The following CDH18 variants were observed in gnomAD, a reference collection of about 807,000 sequenced individuals.
CDH18 encodes the protein cadherin-18.
A neutral mutation model predicts 67.9 loss-of-function variants in CDH18; 31 were observed. The observed-to-expected ratio is 0.46, with a 90% confidence interval of 0.34 to 0.62. The LOEUF (loss-of-function observed/expected upper bound fraction) is 0.62, where lower values mean the gene tolerates loss of function less well. Ranked by LOEUF, CDH18 falls within the 20% of genes least tolerant of loss-of-function variation. The pLI, the probability that CDH18 is intolerant of heterozygous loss-of-function variation, is 0.01. For missense variants in CDH18, 890 were observed against 975.5 expected (o/e 0.91, Z 1.17); for synonymous variants, 362 against 347.2 (o/e 1.04, Z -0.48).
At chr5:20,394,826 G>GA (rs1745154803) in intron 1 of CDH18, among the ~76,000 whole-genome samples, 1 of 151,738 alleles carries the variant, frequency 6.6e-6, no homozygotes, top group African/African-American at 2.4e-5. Flanking sequence ...ACAAACATAT[G>GA]AAAAAATGCT....
chr5:19,547,954 T>C (rs867644903), intron 8 of CDH18, among the ~76,000 whole-genome samples: 3 of 152,160 alleles, frequency 2.0e-5, no homozygotes, highest in Non-Finnish European at 4.4e-5. Flanking sequence ...AGAGAAACTA[T>C]TCAAGACTAT....
intron 3 of CDH18, among the ~76,000 whole-genome samples, chr5:19,767,245 T>C (rs915811436): frequency 3.3e-5 from 5 of 151,812 alleles, no homozygotes; most frequent in African/African-American, 1.2e-4. Flanking sequence ...AAAGCAAAAA[T>C]AATAACATTA....
At chr5:19,808,370 A>G (rs903851478) in intron 3 of CDH18, among the ~76,000 whole-genome samples, 3 of 152,074 alleles carry the variant, frequency 2.0e-5, no homozygotes, top group African/African-American at 7.2e-5. Context: ...ACTAGGCTCA[A>G]CTTTTAAATT....
At chr5:19,877,160 A>AAGT (rs1213730599) in intron 2 of CDH18, among the ~76,000 whole-genome samples, 1 of 152,144 alleles carries the variant, frequency 6.6e-6, no homozygotes, top group African/African-American at 2.4e-5. Context: ...CTGTACCATG[A>AAGT]AGCAAGCGTG....
intron 1 of CDH18, among the ~76,000 whole-genome samples, chr5:20,261,191 T>C (rs1375446505): frequency 6.6e-6 from 1 of 152,208 alleles, no homozygotes; most frequent in African/African-American, 2.4e-5. Context: ...TCATTCCATA[T>C]TATCATTTTG....
At chr5:20,452,686 A>C (rs1581026468) in intron 1 of CDH18, among the ~76,000 whole-genome samples, 1 of 152,114 alleles carries the variant, frequency 6.6e-6, no homozygotes, top group African/African-American at 2.4e-5. Context: ...GTGATGAAAT[A>C]ATCTGCAAAA....
At chr5:20,004,902 A>C (rs1296040381) in intron 2 of CDH18, among the ~76,000 whole-genome samples, 1 of 152,168 alleles carries the variant, frequency 6.6e-6, no homozygotes, top group East Asian at 1.9e-4. Flanking sequence ...AAGACCCAAT[A>C]AAATGAGTTG....
chr5:20,514,474 T>G (rs1755236504), intron 1 of CDH18, among the ~76,000 whole-genome samples: 1 of 152,136 alleles, frequency 6.6e-6, no homozygotes, highest in African/African-American at 2.4e-5. Flanking sequence ...TTCCCTTGTG[T>G]TCAGTATGTG....
intron 5 of CDH18, among the ~76,000 whole-genome samples, chr5:19,680,143 C>A (rs1294131811): frequency 6.6e-6 from 1 of 151,862 alleles, no homozygotes; most frequent in Admixed American, 6.6e-5. Context: ...GCCATCTGAT[C>A]TTTGACAAAT....
chr5:19,721,496 T>C (rs1192340357), intron 4 of CDH18, 30 bp from the exon 5 acceptor site: 2 of 1,593,182 alleles, frequency 1.3e-6, no homozygotes, highest in South Asian at 1.1e-5. Flanking sequence ...AATTTTAGTG[T>C]GTGATGGCAT....
chr5:20,186,103 T>C (rs1738080775), intron 2 of CDH18, among the ~76,000 whole-genome samples: 1 of 151,926 alleles, frequency 6.6e-6, no homozygotes, highest in Non-Finnish European at 1.5e-5. Flanking sequence ...TGCAAGCAAA[T>C]AAAAATTGAA....
intron 1 of CDH18, among the ~76,000 whole-genome samples, chr5:20,381,453 A>C (rs911878428): frequency 1.3e-5 from 2 of 152,036 alleles, no homozygotes; most frequent in East Asian, 1.9e-4. Flanking sequence ...ACCAATTTAA[A>C]TTGTACCCCC....
chr5:20,241,579 G>C (rs1742899980), intron 2 of CDH18, among the ~76,000 whole-genome samples: 1 of 151,972 alleles, frequency 6.6e-6, no homozygotes, highest in Non-Finnish European at 1.5e-5. Context: ...CGGCCGGGTG[G>C]GGTGGCTCAT....
At chr5:19,821,237 C>T (rs1779841940) in intron 3 of CDH18, among the ~76,000 whole-genome samples, 1 of 151,948 alleles carries the variant, frequency 6.6e-6, no homozygotes, top group South Asian at 2.1e-4. Flanking sequence ...AATGACGTAG[C>T]CATTTTTAGA....
chr5:20,276,000 C>T (rs571323375), intron 1 of CDH18, among the ~76,000 whole-genome samples: 6 of 152,274 alleles, frequency 3.9e-5, no homozygotes, highest in Non-Finnish European at 5.9e-5. Flanking sequence ...CAGCCCTAGC[C>T]AGAGGGAAAT....
chr5:19,951,036 A>G (rs1243331543), intron 2 of CDH18, among the ~76,000 whole-genome samples: 1 of 152,170 alleles, frequency 6.6e-6, no homozygotes, highest in Non-Finnish European at 1.5e-5. Flanking sequence ...TCATGTTCTC[A>G]TGGACCAAAT....
intron 1 of CDH18, among the ~76,000 whole-genome samples, chr5:20,573,554 A>C (rs1379529611): frequency 6.6e-6 from 1 of 151,710 alleles, no homozygotes; most frequent in Admixed American, 6.6e-5. Context: ...GATTATTTGC[A>C]TAAATAAAAT....
chr5:19,641,247 T>G (rs1753958666), intron 5 of CDH18, among the ~76,000 whole-genome samples: 3 of 151,848 alleles, frequency 2.0e-5, no homozygotes, highest in African/African-American at 4.8e-5. Context: ...CATGGTTATA[T>G]TCCACCAAAC....
chr5:20,309,362 C>G (rs951506857), intron 1 of CDH18, among the ~76,000 whole-genome samples: 1 of 152,192 alleles, frequency 6.6e-6, no homozygotes, highest in South Asian at 2.1e-4. Flanking sequence ...ATGCCCTCGT[C>G]CCCGTGGCAC....
Sources: allele counts gnomAD v4.1 joint callset (sites outside exome capture counted in the v4.1 genomes callset), GRCh38; gene constraint gnomAD v4.1.1; transcripts MANE v1.5; gene names NCBI Gene and HGNC (gene_info 2026-07-23, HGNC 2026-07-21).